Variants in UGT1A7 observed in about 807,000 individuals in gnomAD.
The protein encoded by UGT1A7 is UDP glucuronosyltransferase family 1 member A7.
Under a neutral mutation model 45.6 loss-of-function variants are expected in UGT1A7, and 33 were observed. The observed-to-expected ratio is 0.72, with a 90% confidence interval of 0.55 to 0.97. The LOEUF is 0.97. UGT1A7 is among the 50% of genes least tolerant of loss of function. The pLI, the probability that UGT1A7 is intolerant of heterozygous loss-of-function variation, is 0.00. For synonymous variants in UGT1A7, 274 were observed against 250.6 expected (o/e 1.09, Z -0.88); for missense variants, 684 against 666.2 (o/e 1.03, Z -0.29).
chr2:233,724,687 C>A (rs1436694344), intron 1 of UGT1A7, among the ~76,000 whole-genome samples: 2 of 144,326 alleles, frequency 1.4e-5, no homozygotes, highest in African/African-American at 2.6e-5. Context: ...GGATGGCGGC[C>A]GGGTGAAGAC....
In UGT1A7 at chr2:233,725,076, A is replaced by G. The variant is rs376662690; in HGVS notation, c.856-41958A>G. ...GCGGCGCGCGCCTGCAATCGCAGGC[A>G]CTCGGCAGGCTGAGGCAGGAGAATC... On this transcript the variant is annotated intron_variant, in intron 1 of 4. Transcript: ENST00000373426. 5.6e-3 allele frequency among the ~76,000 whole-genome samples: 814 copies of G among 144,798 alleles called. 36 individuals carry two copies. Among genetic ancestry groups the G allele is most frequent in the Non-Finnish European group, 8.9e-3 (583 of 65,736 alleles). 95.0% of individuals were successfully genotyped at this position (144,798 alleles called of 152,430 possible).
At chr2:233,767,675 C>G (rs1273555402) in intron 2 of UGT1A7, among the ~76,000 whole-genome samples, 174 bp from the exon 3 acceptor site, 1 of 152,180 alleles carries the variant, frequency 6.6e-6, no homozygotes, top group Non-Finnish European at 1.5e-5. Context: ...ACTAAACCTC[C>G]AAAACAAGAT....
intron 1 of UGT1A7, among the ~76,000 whole-genome samples, chr2:233,730,779 G>A (rs1359595919): frequency 1.3e-5 from 2 of 152,152 alleles, no homozygotes; most frequent in African/African-American, 4.8e-5. Context: ...GCCCAGTGAA[G>A]CTGGGGACAG....
intron 1 of UGT1A7, among the ~76,000 whole-genome samples, chr2:233,704,354 C>T (rs11683974): frequency 0.019 from 2,858 of 147,810 alleles, 31 homozygotes; most frequent in Non-Finnish European, 0.03. Flanking sequence ...GTGTTCTGAG[C>T]GGTTGTTCTA....
chr2:233,746,259 AC>A (rs1176427332), intron 1 of UGT1A7, among the ~76,000 whole-genome samples: 1 of 151,746 alleles, frequency 6.6e-6, no homozygotes, highest in African/African-American at 2.4e-5. Context: ...GCAGAACAGA[AC>A]AAAACGCTGT....
Position 233,757,543 on chromosome 2 carries a change from T to TACATATAC in UGT1A7, c.856-9490_856-9489insCATATACA, listed in dbSNP as rs1320189051. ...AAATCTTGCCTGTAAGGAATATATA[T>TACATATAC]ATATATATATATATATATGTATATA... On this transcript the variant is annotated intron_variant, in intron 1 of 4. Transcript: ENST00000373426. Among the ~76,000 whole-genome samples, 305 of 117,198 alleles carry TACATATAC rather than the reference T, an allele frequency of 2.6e-3. 10 individuals are homozygous for TACATATAC. The highest frequency in any genetic ancestry group is 3.4e-3 in the Non-Finnish European group (191 of 55,852). The allele number at this position is 117,198 out of a possible 152,430, so 76.9% of individuals were successfully genotyped here.
Position 233,772,277 on chromosome 2 carries a change from C to G in UGT1A7, c.1311C>G (p.Ile437Met). 1 of 1,614,240 alleles carries G rather than the reference C, an allele frequency of 6.2e-7. No individual in the cohort carries two copies. Among genetic ancestry groups the G allele is most frequent in the Non-Finnish European group, 8.5e-7 (1 of 1,180,042 alleles). Residue 437 changes from isoleucine (I) to methionine (M), a missense_variant, in exon 5 of 5, where the codon ATC (isoleucine) becomes ATG (methionine). Ile to Met is a conservative substitution (Grantham distance 10). Transcript: ENST00000373426. Reference protein sequence around the residue: ...VINDKSYKENIMRLSSLHKDR... With the variant: ...VINDKSYKENMMRLSSLHKDR... ...TTGTGTTTAGTTACAAGGAGAACAT[C>G]ATGCGCCTCTCCAGCCTTCACAAGG...
chr2:233,715,410 T>C (rs75182177), intron 1 of UGT1A7, among the ~76,000 whole-genome samples: 57 of 152,316 alleles, frequency 3.7e-4, no homozygotes, highest in African/African-American at 1.2e-3. Context: ...ATCCTTAAAA[T>C]ACATTTTATC....
intron 1 of UGT1A7, chr2:233,691,573 TG>T: frequency 1.0e-6 from 1 of 985,626 alleles, no homozygotes; most frequent in Non-Finnish European, 1.2e-6. Flanking sequence ...CACCTCTCAC[TG>T]GGACAGCCTA....
rs186005376 is a variant in UGT1A7 at position 233,690,812 on chromosome 2, C to T, written c.855+8020C>T. On this transcript the variant is annotated intron_variant, in intron 1 of 4. Coordinates refer to ENST00000373426, the MANE Select transcript of UGT1A7 (RefSeq NM_019077.3). Reference sequence around the variant, plus strand: ...ACACACACACACACCATTCTTAGTACAGTCAAAGCTCACAGGAGAAAGAAA... The same window carrying T: ...ACACACACACACACCATTCTTAGTATAGTCAAAGCTCACAGGAGAAAGAAA... 17 of 1,087,624 alleles carry T rather than the reference C, an allele frequency of 1.6e-5. No homozygotes were observed. The East Asian group carries it at 7.8e-4, about 50-fold the overall frequency. 67.4% of individuals were successfully genotyped at this position (1,087,624 alleles called of 1,614,324 possible). A position where few individuals can be genotyped will look rare whatever the true frequency, so the allele number is the denominator to read the frequency against.
intron 1 of UGT1A7, among the ~76,000 whole-genome samples, chr2:233,696,257 G>A (rs6751673): frequency 0.36 from 54,459 of 152,012 alleles, 10,384 homozygotes; most frequent in African/African-American, 0.49. Flanking sequence ...GCACACATCA[G>A]TGAATGAATG....
intron 1 of UGT1A7, among the ~76,000 whole-genome samples, chr2:233,707,217 C>T (rs1226493967): frequency 6.6e-6 from 1 of 152,140 alleles, no homozygotes; most frequent in African/African-American, 2.4e-5. Flanking sequence ...CATCTTTTCT[C>T]TGACTTTTGT....
chr2:233,695,392 G>A (rs1456168296), intron 1 of UGT1A7, among the ~76,000 whole-genome samples: 1 of 151,516 alleles, frequency 6.6e-6, no homozygotes, highest in African/African-American at 2.4e-5. Context: ...CCAAAGTGCT[G>A]GGATTACAGG....
At chr2:233,719,602 T>C (rs764921647) in intron 1 of UGT1A7, 45 of 1,614,062 alleles carry the variant, frequency 2.8e-5, no homozygotes, top group Admixed American at 5.0e-5. Flanking sequence ...CGAGGGGACT[T>C]TGTGATGGAC....
At chr2:233,730,000 A>G (rs569428615) in intron 1 of UGT1A7, 10 of 1,614,004 alleles carry the variant, frequency 6.2e-6, no homozygotes, top group Admixed American at 3.3e-5. Context: ...TCAGGTCTGT[A>G]TTGGTGCCTT....
intron 1 of UGT1A7, among the ~76,000 whole-genome samples, chr2:233,703,382 A>G (rs1384920463): frequency 6.6e-6 from 1 of 151,458 alleles, no homozygotes; most frequent in Non-Finnish European, 1.5e-5. Flanking sequence ...TTTTGTCTAT[A>G]TTTTCAAATA....
intron 1 of UGT1A7, chr2:233,691,778 G>T: frequency 3.3e-6 from 1 of 303,792 alleles, no homozygotes; most frequent in African/African-American, 2.3e-5. Context: ...TTCTCACCAC[G>T]TACTGGCTAG....
chr2:233,732,853 A>T (rs1238557082), intron 1 of UGT1A7, among the ~76,000 whole-genome samples: 1 of 149,098 alleles, frequency 6.7e-6, no homozygotes, highest in Admixed American at 6.8e-5. Flanking sequence ...TTGTGAAGTC[A>T]TTGGTAGCTT....
intron 1 of UGT1A7, among the ~76,000 whole-genome samples, chr2:233,725,765 A>G (rs547066557): frequency 6.7e-4 from 102 of 152,264 alleles, no homozygotes; most frequent in African/African-American, 2.2e-3. Flanking sequence ...CATTTTCTTC[A>G]CATAGTTTGT....
Sources: gnomAD v4.1 joint callset for allele counts (sites outside exome capture counted in the v4.1 genomes callset) on GRCh38, gnomAD v4.1.1 for gene constraint, MANE v1.5 for transcripts, NCBI Gene and HGNC (gene_info 2026-07-23, HGNC 2026-07-21) for gene names.